Variants in ZSCAN25 observed in about 807,000 individuals in gnomAD.
ZSCAN25 encodes zinc finger and SCAN domain-containing protein 25.
In ZSCAN25, 27 loss-of-function variants were observed where a neutral mutation model predicts 38.7. That is an observed-to-expected ratio of 0.70 (90% CI 0.51 to 0.96). The LOEUF is 0.96. Among genes scored for constraint, ZSCAN25 ranks in the 40% least tolerant of loss-of-function variants. ZSCAN25 has a pLI of 0.00. For missense variants in ZSCAN25, 637 were observed against 705.9 expected (o/e 0.90, Z 1.11); for synonymous variants, 273 against 277.7 (o/e 0.98, Z 0.17).
the ZSCAN25 span, among the ~76,000 whole-genome samples, chr7:99,717,929 T>TAG: frequency 6.6e-6 from 1 of 152,012 alleles, no homozygotes; most frequent in Non-Finnish European, 1.5e-5. Flanking sequence ...GCGTGCAGTG[T>TAG]AGAGAGAGAG....
chr7:99,677,212 C>T, the ZSCAN25 span: 1 of 985,304 alleles, frequency 1.0e-6, no homozygotes, highest in Non-Finnish European at 1.2e-6. Context: ...AGACCTTCCC[C>T]CTCCGGTGTG....
chr7:99,670,084 A>T, the ZSCAN25 span, among the ~76,000 whole-genome samples: 2 of 152,232 alleles, frequency 1.3e-5, no homozygotes, highest in South Asian at 2.1e-4. Flanking sequence ...AAAAGTATGG[A>T]TGCTGACTCT....
chr7:99,641,465 C>G, the ZSCAN25 span, among the ~76,000 whole-genome samples: 1 of 152,128 alleles, frequency 6.6e-6, no homozygotes, highest in Non-Finnish European at 1.5e-5. Context: ...GGTGGGGACA[C>G]AGCCAAACCA....
chr7:99,735,173 A>G, the ZSCAN25 span: 33 of 1,569,286 alleles, frequency 2.1e-5, 1 homozygote, highest in East Asian at 4.8e-4. Flanking sequence ...GTGTGTGTGG[A>G]GCTTTCCTGC....
In ZSCAN25 at chr7:99,619,904, G is replaced by A. The variant is rs765707872; in HGVS notation, c.298G>A (p.Ala100Thr). The change falls in exon 4 of 8, where the codon GCC (alanine) becomes ACC (threonine). Residue 100 changes from alanine to threonine, a missense_variant. By Grantham distance (58) the Ala-to-Thr change is moderately conservative. Transcript: ENST00000394152. ...FLTILPREFY[A>T]WIREHGPESG... is the part of the protein sequence containing the mutation. ...CACTATCCTGCCCCGCGAGTTCTACGCCTGGATCCGGGAGCATGGCCCAGA... is the reference window on the plus strand; with the variant it reads ...CACTATCCTGCCCCGCGAGTTCTACACCTGGATCCGGGAGCATGGCCCAGA... 10 of 1,614,106 alleles carry A rather than the reference G, an allele frequency of 6.2e-6. No individual in the cohort carries two copies. The highest frequency in any genetic ancestry group is 3.3e-5 in the South Asian group (3 of 91,092).
At chr7:99,672,644 G>C in the ZSCAN25 span, 7 of 1,614,014 alleles carry the variant, frequency 4.3e-6, no homozygotes, top group Admixed American at 1.7e-5. Context: ...GTCGGGATCT[G>C]TGATGGCCAG....
At chr7:99,671,732 G>A in the ZSCAN25 span, 1 of 680,232 alleles carries the variant, frequency 1.5e-6, no homozygotes, top group Non-Finnish European at 2.7e-6. Flanking sequence ...TAATACATTG[G>A]CCTCCTCAAA....
At chr7:99,662,953 TC>T in the ZSCAN25 span, 2 of 1,595,888 alleles carry the variant, frequency 1.3e-6, no homozygotes, top group Non-Finnish European at 1.7e-6. This position sits in a 1 kb window ranked among gnomAD's most constrained non-coding sequence, Gnocchi z 4.3. Flanking sequence ...AAAAGTGCAG[TC>T]CTCAACCTCC....
chr7:99,698,534 G>C, the ZSCAN25 span, among the ~76,000 whole-genome samples: 1 of 152,080 alleles, frequency 6.6e-6, no homozygotes, highest in East Asian at 1.9e-4. Flanking sequence ...CTGCTAAGCA[G>C]GTATATTCAA....
downstream of ZSCAN25, among the ~76,000 whole-genome samples, chr7:99,633,313 T>A (rs1262278418): frequency 6.6e-6 from 1 of 152,246 alleles, no homozygotes. Flanking sequence ...CTGTTTCTCT[T>A]CATATGATTT....
chr7:99,735,667 C>CAGT, the ZSCAN25 span, among the ~76,000 whole-genome samples: 2 of 152,174 alleles, frequency 1.3e-5, no homozygotes, highest in Admixed American at 6.5e-5. Flanking sequence ...ACAGAAGTAA[C>CAGT]CATTTCCTCC....
chr7:99,709,083 T>A, the ZSCAN25 span: 1 of 1,613,998 alleles, frequency 6.2e-7, no homozygotes, highest in South Asian at 1.1e-5. Flanking sequence ...TGGGTCATGA[T>A]GAAGAACATA....
At chr7:99,709,166 C>T in the ZSCAN25 span, 2 of 1,614,008 alleles carry the variant, frequency 1.2e-6, no homozygotes, top group Non-Finnish European at 1.7e-6. Context: ...TGCAGACCCT[C>T]TCAAGTCTCA....
the ZSCAN25 span, among the ~76,000 whole-genome samples, chr7:99,678,541 G>C: frequency 1.3e-5 from 2 of 152,126 alleles, no homozygotes; most frequent in Non-Finnish European, 2.9e-5. Flanking sequence ...TTGTGCATTA[G>C]ACTCATATTC....
chr7:99,680,429 A>G, the ZSCAN25 span, among the ~76,000 whole-genome samples: 1 of 152,190 alleles, frequency 6.6e-6, no homozygotes, highest in East Asian at 1.9e-4. Flanking sequence ...ACACAAATGT[A>G]ACCATTTCCT....
At chr7:99,622,401 A>G (rs1807058169) in intron 5 of ZSCAN25, 148 bp from the exon 6 acceptor site, 8 of 765,436 alleles carry the variant, frequency 1.0e-5, no homozygotes, top group African/African-American at 3.4e-5. Context: ...TGCATGGGAA[A>G]GTGTGGTACC....
At chr7:99,676,484 C>T in the ZSCAN25 span, 22 of 1,404,382 alleles carry the variant, frequency 1.6e-5, no homozygotes, top group Non-Finnish European at 2.1e-5. Context: ...CTCAAATGCT[C>T]CTGAGAGGTT....
chr7:99,680,234 C>T, the ZSCAN25 span, among the ~76,000 whole-genome samples: 6 of 152,246 alleles, frequency 3.9e-5, no homozygotes, highest in African/African-American at 9.6e-5. Context: ...CTCACCTGCC[C>T]CTCCATGGCT....
At chr7:99,665,387 AC>A in the ZSCAN25 span, 1 of 1,568,236 alleles carries the variant, frequency 6.4e-7, no homozygotes. Context: ...GCAGCAAGAA[AC>A]CCACATATCC....
Sources: gnomAD v4.1 joint callset for allele counts (sites outside exome capture counted in the v4.1 genomes callset) on GRCh38, gnomAD v4.1.1 for gene constraint, Gnocchi (gnomAD v3.1) non-coding constraint, MANE v1.5 for transcripts, NCBI Gene and HGNC (gene_info 2026-07-23, HGNC 2026-07-21) for gene names.